Variants in SLC28A1 observed in about 807,000 individuals in gnomAD.
The protein encoded by SLC28A1 is solute carrier family 28 member 1.
SLC28A1 carries 64 observed loss-of-function variants against 74.8 expected under a neutral mutation model. The observed-to-expected ratio is 0.86, with a 90% CI of 0.70 to 1.05. The LOEUF (loss-of-function observed/expected upper bound fraction) is 1.05. Among genes scored for constraint, SLC28A1 ranks in the 50% least tolerant of loss-of-function variants. SLC28A1 has a pLI of 0.00. For synonymous variants in SLC28A1, 359 were observed against 335.0 expected, an observed-to-expected ratio of 1.07 and a Z score of -0.78; for missense variants, 828 against 822.8, an observed-to-expected ratio of 1.01 and a Z score of -0.08.
chr15:84,908,926 G>A, intron 9 of SLC28A1, 131 bp downstream of exon 9: 2 of 758,658 alleles, frequency 2.6e-6, no homozygotes, highest in Non-Finnish European at 4.7e-6. Flanking sequence ...GCCGTACTGG[G>A]AAGTTAGTGA....
chr15:84,893,328 C>A (rs1462256644), intron 5 of SLC28A1, among the ~76,000 whole-genome samples: 1 of 152,164 alleles, frequency 6.6e-6, no homozygotes, highest in East Asian at 1.9e-4. Context: ...GGTCCCCCTC[C>A]CCTGAACCCC....
intron 7 of SLC28A1, 129 bp downstream of exon 7, chr15:84,904,367 GA>G: frequency 7.5e-7 from 1 of 1,330,394 alleles, no homozygotes; most frequent in South Asian, 1.2e-5. Flanking sequence ...AGGGCCTGGA[GA>G]AGGCCTGTGT....
chr15:84,945,235 G>A lies in SLC28A1; in HGVS notation c.*35G>A, dbSNP rs775773481. 1.9e-6 allele frequency: 3 copies of A among 1,594,902 alleles called. No individual in the cohort carries two copies. The highest frequency in any genetic ancestry group is 1.7e-5 in the Admixed American group (1 of 59,978). Reference sequence around the variant, plus strand: ...ATGCTTGTGCTTCTGCGCTTCTGAGGGCTGTTCTCCCCCGGGAACCATCTG... The same window carrying A: ...ATGCTTGTGCTTCTGCGCTTCTGAGAGCTGTTCTCCCCCGGGAACCATCTG... On this transcript the variant is annotated 3_prime_UTR_variant, in exon 19 of 19. Coordinates refer to ENST00000394573, the MANE Select transcript of SLC28A1 (RefSeq NM_004213.5).
At chr15:84,918,777 C>T (rs1186002384) in intron 10 of SLC28A1, among the ~76,000 whole-genome samples, 173 bp downstream of exon 10, 1 of 151,860 alleles carries the variant, frequency 6.6e-6, no homozygotes, top group African/African-American at 2.4e-5. Context: ...CCCAGAATCC[C>T]CAGCTGCCAA....
intron 12 of SLC28A1, among the ~76,000 whole-genome samples, chr15:84,927,421 C>T (rs756796235): frequency 1.3e-5 from 2 of 152,196 alleles, no homozygotes; most frequent in African/African-American, 2.4e-5. Context: ...ATTGGACAAA[C>T]AGAGTGTGAT....
intron 6 of SLC28A1, chr15:84,895,428 T>C (rs1357250399): frequency 3.1e-6 from 5 of 1,613,784 alleles, no homozygotes; most frequent in Non-Finnish European, 4.2e-6. Flanking sequence ...CTCCCTCAGA[T>C]CACCTGGACA....
At chr15:84,920,170 G>A (rs1969628800) in intron 10 of SLC28A1, among the ~76,000 whole-genome samples, 1 of 152,208 alleles carries the variant, frequency 6.6e-6, no homozygotes, top group African/African-American at 2.4e-5. Flanking sequence ...TTCTAGTTGG[G>A]CGTGGTGGCT....
chr15:84,966,139 G>A, the SLC28A1 span, among the ~76,000 whole-genome samples: 1 of 152,112 alleles, frequency 6.6e-6, no homozygotes, highest in Admixed American at 6.6e-5. Context: ...GTGCAGTGGT[G>A]CAGTCTTGGC....
the SLC28A1 span, among the ~76,000 whole-genome samples, chr15:84,964,606 TC>T: frequency 6.6e-6 from 1 of 152,366 alleles, no homozygotes; most frequent in East Asian, 1.9e-4. Context: ...AATCCAGGCA[TC>T]AATGATGGTA....
the SLC28A1 span, among the ~76,000 whole-genome samples, chr15:84,964,917 C>T: frequency 6.6e-6 from 1 of 152,324 alleles, no homozygotes; most frequent in Middle Eastern, 3.4e-3. Context: ...AACATAGGAG[C>T]AGGAGGGAAT....
chr15:84,931,816 A>G (rs979573831), intron 12 of SLC28A1, among the ~76,000 whole-genome samples: 2 of 151,732 alleles, frequency 1.3e-5, no homozygotes, highest in Non-Finnish European at 2.9e-5. Context: ...AGCCTGGCCA[A>G]CACGGTGAAA....
At chr15:84,972,244 T>G in the SLC28A1 span, among the ~76,000 whole-genome samples, 431 of 152,148 alleles carry the variant, frequency 2.8e-3, 3 homozygotes, top group African/African-American at 9.5e-3. Flanking sequence ...AGGAAAGGGA[T>G]GGAAAGAAAT....
At chr15:84,893,570 CG>C (rs1555442533) in intron 5 of SLC28A1, among the ~76,000 whole-genome samples, 1 of 151,834 alleles carries the variant, frequency 6.6e-6, no homozygotes, top group Non-Finnish European at 1.5e-5. Context: ...TGGGGGTCAC[CG>C]GGGGGGCTTA....
the SLC28A1 span, among the ~76,000 whole-genome samples, chr15:84,954,521 C>T: frequency 1.1e-4 from 16 of 152,278 alleles, no homozygotes; most frequent in African/African-American, 2.4e-4. Flanking sequence ...TCCGTGTAAT[C>T]CTTAAAAACA....
chr15:84,966,329 A>T, the SLC28A1 span, among the ~76,000 whole-genome samples: 2 of 152,010 alleles, frequency 1.3e-5, no homozygotes, highest in Admixed American at 6.6e-5. Flanking sequence ...AGCCTCCCAA[A>T]GTGCTGGGAT....
rs767888191 is a variant in SLC28A1, at chr15:84,908,735, G to A, written c.735G>A (p.Thr245=). ...GEQIRIFLSY[T]KAGSSFVFGE... ...TCTTTCAGATCTTCCTGAGCTACAC[G>A]AAGGCTGGCTCCAGCTTCGTGTTTG... Residue 245 remains threonine, a synonymous_variant, in exon 9 of 19, where the codon ACG becomes ACA. Coordinates refer to ENST00000394573, the MANE Select transcript of SLC28A1 (RefSeq NM_004213.5). The A allele has an allele frequency of 2.3e-5, 37 of 1,613,774 alleles. No individual in the cohort carries two copies. The East Asian group carries it at 4.7e-4, about 20-fold the overall frequency.
At chr15:84,909,233 G>GC (rs1371651997) in intron 9 of SLC28A1, among the ~76,000 whole-genome samples, 1 of 152,036 alleles carries the variant, frequency 6.6e-6, no homozygotes, top group Non-Finnish European at 1.5e-5. Context: ...CTCCTTCAGG[G>GC]CCCCTCACAG....
At chr15:84,935,940 GTTTGGTTTTTGTTTTT>G (rs1281350892) in intron 15 of SLC28A1, among the ~76,000 whole-genome samples, 5 of 111,882 alleles carry the variant, frequency 4.5e-5, no homozygotes, top group African/African-American at 1.7e-4. Flanking sequence ...TTTTGTTTTG[GTTTGGTTTTTGTTTTT>G]TTTTTTTTTT....
chr15:84,920,885 G>A, intron 10 of SLC28A1, 104 bp from the exon 11 acceptor site: 1 of 878,156 alleles, frequency 1.1e-6, no homozygotes, highest in South Asian at 1.3e-5. Context: ...TCCTACACTG[G>A]GCTGGGAGTT....
Sources: gnomAD v4.1 joint callset for allele counts (sites outside exome capture counted in the v4.1 genomes callset) on GRCh38, gnomAD v4.1.1 for gene constraint, MANE v1.5 for transcripts, NCBI Gene and HGNC (gene_info 2026-07-23, HGNC 2026-07-21) for gene names.